Variants in RBMS3 observed in about 807,000 individuals in gnomAD.
The protein encoded by RBMS3 is RNA binding motif single stranded interacting protein 3.
RBMS3 carries 27 observed loss-of-function variants against 66.8 expected under a neutral mutation model. That is an observed-to-expected ratio of 0.40 (90% CI 0.30 to 0.56). The LOEUF (loss-of-function observed/expected upper bound fraction) is 0.56, where lower values mean the gene tolerates loss of function less well. Among genes scored for constraint, RBMS3 ranks in the 20% least tolerant of loss-of-function variants. The pLI is 0.40. For missense variants in RBMS3, 513 were observed against 549.5 expected, an observed-to-expected ratio of 0.93 and a Z score of 0.66; for synonymous variants, 188 against 183.0, an observed-to-expected ratio of 1.03 and a Z score of -0.22.
intron 1 of RBMS3, among the ~76,000 whole-genome samples, chr3:29,399,772 A>C (rs1284100597): frequency 6.6e-6 from 1 of 152,176 alleles, no homozygotes; most frequent in Non-Finnish European, 1.5e-5. Flanking sequence ...TGTTGGCTAG[A>C]AGTGTCATAA....
chr3:29,410,490 A>T (rs772486424), intron 1 of RBMS3, among the ~76,000 whole-genome samples: 1 of 152,100 alleles, frequency 6.6e-6, no homozygotes, highest in East Asian at 1.9e-4. Context: ...TCCCTCCTAG[A>T]TCCTCATGTG....
intron 2 of RBMS3, among the ~76,000 whole-genome samples, chr3:29,469,185 C>T (rs58314105): frequency 0.024 from 3,644 of 152,084 alleles, 143 homozygotes; most frequent in African/African-American, 0.082. Flanking sequence ...GCCTAGAAAT[C>T]TTACAAATAG....
At chr3:29,982,409 A>G (rs1325742550) in intron 12 of RBMS3, among the ~76,000 whole-genome samples, 1 of 151,468 alleles carries the variant, frequency 6.6e-6, no homozygotes, top group East Asian at 1.9e-4. Context: ...TAATGTCTCT[A>G]TCTCCTTCAG....
chr3:29,837,791 G>T (rs1344170793), intron 6 of RBMS3, among the ~76,000 whole-genome samples: 2 of 148,534 alleles, frequency 1.3e-5, no homozygotes, highest in African/African-American at 4.9e-5. Context: ...TGTTCTGGCT[G>T]CCTGAGTCAT....
intron 4 of RBMS3, among the ~76,000 whole-genome samples, chr3:29,667,441 C>T (rs1306616341): frequency 6.6e-6 from 1 of 152,156 alleles, no homozygotes; most frequent in African/African-American, 2.4e-5. Flanking sequence ...TTAATCAAAA[C>T]TCTGAGAGTG....
chr3:29,928,382 G>T (rs1305041524), intron 10 of RBMS3, among the ~76,000 whole-genome samples: 2 of 150,838 alleles, frequency 1.3e-5, no homozygotes, highest in East Asian at 3.9e-4. Flanking sequence ...AAAAAGTATA[G>T]AAGGAGCTGA....
intron 1 of RBMS3, among the ~76,000 whole-genome samples, chr3:29,375,469 T>C (rs2038417499): frequency 6.6e-6 from 1 of 152,126 alleles, no homozygotes. Context: ...CAAAGCTCTG[T>C]TATCCAGCAT....
chr3:29,291,048 A>G (rs941980012), intron 1 of RBMS3, among the ~76,000 whole-genome samples: 12 of 152,118 alleles, frequency 7.9e-5, no homozygotes, highest in Admixed American at 1.3e-4. Context: ...CGAAGTGAAA[A>G]AAACCTAATC....
Position 29,739,803 on chromosome 3 carries a change from A to T in RBMS3, c.483A>T (p.Lys161Asn). The T allele has an allele frequency of 6.2e-7, 1 of 1,613,326 alleles. No homozygotes were observed. Among genetic ancestry groups the T allele is most frequent in the African/African-American group, 1.3e-5 (1 of 74,976 alleles). Reference protein sequence around the residue: ...MDEQELENMLKPFGHVISTRI... With the variant: ...MDEQELENMLNPFGHVISTRI... ...AGCAGGAGCTTGAGAATATGCTGAA[A>T]CCCTTTGGACATGTCATTTCCACAA... Residue 161 changes from lysine (K) to asparagine (N), a missense_variant, in exon 5 of 15, where the codon AAA (lysine) becomes AAT (asparagine). By Grantham distance (94) the Lys-to-Asn change is moderately conservative. Coordinates refer to ENST00000383767, the MANE Select transcript of RBMS3 (RefSeq NM_001003793.3).
intron 1 of RBMS3, among the ~76,000 whole-genome samples, chr3:29,292,735 GATAAA>G (rs533282869): frequency 4.6e-5 from 7 of 151,846 alleles, no homozygotes; most frequent in East Asian, 3.9e-4. Context: ...CAGGAAGAAA[GATAAA>G]ATAAAGAGAA....
chr3:29,474,446 C>T (rs2042876146), intron 2 of RBMS3, among the ~76,000 whole-genome samples: 1 of 152,178 alleles, frequency 6.6e-6, no homozygotes, highest in South Asian at 2.1e-4. Context: ...CACAGCTTCC[C>T]TAATAATTTT....
intron 12 of RBMS3, among the ~76,000 whole-genome samples, chr3:29,975,392 C>T (rs1697516174): frequency 6.6e-6 from 1 of 151,600 alleles, no homozygotes; most frequent in Non-Finnish European, 1.5e-5. Context: ...ATAGGAGTTC[C>T]TATTGTCCAC....
intron 1 of RBMS3, among the ~76,000 whole-genome samples, chr3:29,422,691 C>G (rs918403700): frequency 1.3e-5 from 2 of 152,004 alleles, no homozygotes; most frequent in African/African-American, 4.8e-5. Context: ...AATTTATTCT[C>G]ATAGTTACCA....
rs557598232 is a variant in RBMS3, at chr3:29,986,341, A to T, written c.1099-1802A>T. ...TAGTTTTAAGCAAAACTAATTAATG[A>T]TACCAAAATCAAAACAAAAGTTTTA... On this transcript the variant is annotated intron_variant, in intron 12 of 14. Transcript: ENST00000383767. 1.4e-4 allele frequency among the ~76,000 whole-genome samples: 22 copies of T among 152,358 alleles called. 1 individual carries two copies. Among genetic ancestry groups the T allele is most frequent in the Admixed American group, 9.1e-4 (14 of 15,306 alleles).
chr3:29,364,493 C>A (rs2037786070), intron 1 of RBMS3, among the ~76,000 whole-genome samples: 2 of 152,048 alleles, frequency 1.3e-5, no homozygotes, highest in Non-Finnish European at 2.9e-5. Flanking sequence ...AAGAAGACAA[C>A]CTAAATATAT....
At chr3:29,638,168 TCA>T (rs2049544280) in intron 4 of RBMS3, among the ~76,000 whole-genome samples, 1 of 151,508 alleles carries the variant, frequency 6.6e-6, no homozygotes, top group African/African-American at 2.4e-5. Context: ...TAAGAAGACA[TCA>T]GAGCCCAAAA....
chr3:29,868,728 G>A (rs997246977), intron 6 of RBMS3, 130 bp from the exon 7 acceptor site: 12 of 803,482 alleles, frequency 1.5e-5, no homozygotes, highest in Non-Finnish European at 2.1e-5. Context: ...CTAAAAGGGG[G>A]CCAAATATCT....
intron 4 of RBMS3, among the ~76,000 whole-genome samples, chr3:29,700,649 A>G (rs2052525038): frequency 6.6e-6 from 1 of 151,852 alleles, no homozygotes; most frequent in South Asian, 2.1e-4. Flanking sequence ...CAAAAGAGGG[A>G]ATCCTAACTC....
At chr3:29,316,160 T>C (rs1051717471) in intron 1 of RBMS3, among the ~76,000 whole-genome samples, 2 of 151,744 alleles carry the variant, frequency 1.3e-5, no homozygotes, top group African/African-American at 4.8e-5. Context: ...ATGGCTGTCC[T>C]GGTATGAATG....
Sources: gnomAD v4.1 joint callset for allele counts (sites outside exome capture counted in the v4.1 genomes callset) on GRCh38, gnomAD v4.1.1 for gene constraint, MANE v1.5 for transcripts, NCBI Gene and HGNC (gene_info 2026-07-23, HGNC 2026-07-21) for gene names.